Variants in NPSR1 observed in about 807,000 individuals in gnomAD.
The protein encoded by NPSR1 is neuropeptide S receptor 1.
In NPSR1, 48 loss-of-function variants were observed where a neutral mutation model predicts 46.9. The observed-to-expected ratio is 1.02, with a 90% confidence interval of 0.81 to 1.30. NPSR1 has a LOEUF of 1.30. Ranked by LOEUF, NPSR1 falls within the 50% of genes most tolerant of loss-of-function variation. NPSR1 has a pLI of 0.00. For missense variants in NPSR1, 450 were observed against 449.5 expected, an observed-to-expected ratio of 1.00 and a Z score of -0.01; for synonymous variants, 176 against 168.1, an observed-to-expected ratio of 1.05 and a Z score of -0.36.
chr7:34,764,131 T>C (rs2128730261), intron 2 of NPSR1, among the ~76,000 whole-genome samples: 1 of 152,332 alleles, frequency 6.6e-6, no homozygotes, highest in African/African-American at 2.4e-5. Flanking sequence ...CAAATCAAAG[T>C]CTTGGCTCTA....
chr7:34,686,223 AT>A (rs1412469561), intron 2 of NPSR1: 1 of 152,374 alleles, frequency 6.6e-6, no homozygotes, highest in African/African-American at 2.4e-5. Context: ...TCTGGGCTTA[AT>A]TTCATGTACA....
chr7:34,809,733 G>A (rs1263213094), intron 3 of NPSR1, among the ~76,000 whole-genome samples: 10 of 152,068 alleles, frequency 6.6e-5, no homozygotes, highest in Admixed American at 6.6e-4. Context: ...AAAGTGCTGG[G>A]ATTAAGCTTC....
intron 2 of NPSR1, chr7:34,686,187 G>GTTCTA (rs5883470): frequency 0.18 from 26,842 of 152,318 alleles, 3,427 homozygotes; most frequent in African/African-American, 0.36. Flanking sequence ...AAAGTTGTAT[G>GTTCTA]TTCTAATTCA....
intron 2 of NPSR1, among the ~76,000 whole-genome samples, chr7:34,737,682 C>T (rs1340139210): frequency 3.3e-5 from 5 of 152,188 alleles, no homozygotes; most frequent in South Asian, 4.1e-4. Context: ...TGGTCTGCTT[C>T]GATCCTATGA....
Position 34,856,786 on chromosome 7 carries a change from T to C in NPSR1, c.1025+8123T>C, listed in dbSNP as rs570317101. On this transcript the variant is annotated intron_variant, in intron 8 of 8. Transcript: ENST00000359791. ...AAGGGACCGCAAGTCATTGTTTTCT[T>C]CTTTGGTAAGTCTAGAATTAGGCAG... Among the ~76,000 whole-genome samples, 13 of 151,794 alleles carry C rather than the reference T, an allele frequency of 8.6e-5. No homozygotes were observed. The East Asian group carries it at 2.5e-3, about 29-fold the overall frequency.
chr7:34,687,605 A>G (rs1793002380), intron 2 of NPSR1, among the ~76,000 whole-genome samples: 1 of 152,160 alleles, frequency 6.6e-6, no homozygotes, highest in African/African-American at 2.4e-5. Context: ...CAGCATAGGG[A>G]AACCGCCCTC....
intron 5 of NPSR1, among the ~76,000 whole-genome samples, chr7:34,829,488 A>C (rs1289366917): frequency 2.0e-5 from 3 of 152,216 alleles, no homozygotes; most frequent in African/African-American, 7.2e-5. Context: ...GCGGTCAGAG[A>C]GCATTTGGAA....
chr7:34,724,251 A>C (rs1344017940), intron 2 of NPSR1, among the ~76,000 whole-genome samples: 1 of 152,254 alleles, frequency 6.6e-6, no homozygotes, highest in East Asian at 1.9e-4. Context: ...TTGCCACAGA[A>C]ACAGATTCAG....
chr7:34,737,033 A>G (rs1221809745), intron 2 of NPSR1, among the ~76,000 whole-genome samples: 1 of 150,140 alleles, frequency 6.7e-6, no homozygotes, highest in Non-Finnish European at 1.5e-5. Context: ...CTCCTCTTTC[A>G]TCCTCTCCTC....
At chr7:34,763,539 T>C (rs1436042276) in intron 2 of NPSR1, among the ~76,000 whole-genome samples, 2 of 152,212 alleles carry the variant, frequency 1.3e-5, no homozygotes, top group African/African-American at 2.4e-5. Context: ...TGTGTTCATG[T>C]ATTATAGGTA....
intron 8 of NPSR1, among the ~76,000 whole-genome samples, chr7:34,869,153 C>T (rs1232005589): frequency 1.3e-5 from 2 of 151,756 alleles, no homozygotes; most frequent in Non-Finnish European, 2.9e-5. Context: ...GACAGGGCTG[C>T]CACAGTATGG....
intron 2 of NPSR1, among the ~76,000 whole-genome samples, chr7:34,775,308 G>A (rs776057233): frequency 3.9e-5 from 6 of 152,132 alleles, no homozygotes; most frequent in Non-Finnish European, 7.4e-5. Flanking sequence ...TGATTTTTTG[G>A]ATGTGTCTTT....
chr7:34,870,298 C>G (rs1374483834), intron 8 of NPSR1, among the ~76,000 whole-genome samples: 4 of 151,712 alleles, frequency 2.6e-5, no homozygotes, highest in African/African-American at 4.9e-5. Flanking sequence ...TATCCCCAGC[C>G]CCTGGTACAG....
At chr7:34,788,785 A>G (rs1374037006) in intron 3 of NPSR1, among the ~76,000 whole-genome samples, 1 of 152,106 alleles carries the variant, frequency 6.6e-6, no homozygotes, top group Non-Finnish European at 1.5e-5. Flanking sequence ...TTGGATTTAA[A>G]CTACACTTTA....
At chr7:34,809,247 C>T (rs927838620) in intron 3 of NPSR1, among the ~76,000 whole-genome samples, 1 of 151,430 alleles carries the variant, frequency 6.6e-6, no homozygotes, top group Non-Finnish European at 1.5e-5. Flanking sequence ...TTTTTTTTTT[C>T]TTAAAGCTAG....
At chr7:34,667,305 G>C (rs1475902080) in intron 1 of NPSR1, among the ~76,000 whole-genome samples, 1 of 152,200 alleles carries the variant, frequency 6.6e-6, no homozygotes, top group Non-Finnish European at 1.5e-5. Context: ...AGTAGGAATG[G>C]AGCCAGTTCT....
intron 2 of NPSR1, among the ~76,000 whole-genome samples, chr7:34,761,929 T>C (rs1418121975): frequency 2.6e-5 from 4 of 152,220 alleles, no homozygotes; most frequent in African/African-American, 9.6e-5. Context: ...ACACCTGTTA[T>C]TGCTGAACCT....
chr7:34,780,098 T>C (rs182310964), intron 3 of NPSR1, among the ~76,000 whole-genome samples: 17 of 152,290 alleles, frequency 1.1e-4, no homozygotes, highest in Non-Finnish European at 1.9e-4. Context: ...AATAACCTAT[T>C]CAAGTGACTG....
At chr7:34,824,665 T>A (rs1479998907) in intron 4 of NPSR1, among the ~76,000 whole-genome samples, 1 of 152,180 alleles carries the variant, frequency 6.6e-6, no homozygotes, top group Non-Finnish European at 1.5e-5. Flanking sequence ...CTCTTCCCTG[T>A]CCATCCCTCT....
Sources: allele counts gnomAD v4.1 joint callset (sites outside exome capture counted in the v4.1 genomes callset), GRCh38; gene constraint gnomAD v4.1.1; transcripts MANE v1.5; gene names NCBI Gene and HGNC (gene_info 2026-07-23, HGNC 2026-07-21).